The following RASGRP3 variants were observed in gnomAD, a reference collection of about 807,000 sequenced individuals.
The protein encoded by RASGRP3 is RAS guanyl releasing protein 3.
RASGRP3 carries 54 observed loss-of-function variants against 82.7 expected under a neutral mutation model. The ratio of observed to expected loss-of-function variants is 0.65; its 90% CI spans 0.52 to 0.82. RASGRP3 has a LOEUF of 0.82. RASGRP3 is among the 40% of genes least tolerant of loss of function. RASGRP3 has a pLI of 0.00. For synonymous variants in RASGRP3, 309 were observed against 300.5 expected (o/e 1.03, Z -0.29); for missense variants, 861 against 828.9 (o/e 1.04, Z -0.48).
intron 11 of RASGRP3, among the ~76,000 whole-genome samples, chr2:33,537,896 A>G (rs17013237): frequency 0.13 from 19,159 of 152,110 alleles, 1,305 homozygotes; most frequent in African/African-American, 0.17. Flanking sequence ...ATGCAGAAAA[A>G]TCTGTGGAGA....
chr2:33,482,948 A>G (rs1430449945), intron 1 of RASGRP3: 2 of 152,140 alleles, frequency 1.3e-5, no homozygotes, highest in African/African-American at 4.8e-5. Flanking sequence ...TTAATGTCTG[A>G]GCTGACTTGA....
intron 1 of RASGRP3, among the ~76,000 whole-genome samples, chr2:33,496,095 T>A (rs576955993): frequency 1.3e-5 from 2 of 152,230 alleles, no homozygotes; most frequent in Non-Finnish European, 2.9e-5. Flanking sequence ...ACAAAAAATA[T>A]ACATCTAGGG....
rs201148346 is a variant in RASGRP3, at chr2:33,520,606, G to T, written c.290G>T (p.Arg97Leu). The change falls in exon 6 of 18, where the codon CGT becomes CTT. Residue 97 changes from arginine to leucine, a missense_variant. Transcript: ENST00000403687. ...TTTAATTTGGATCTTGGTTTGATTC[G>T]TATGACTGAGGAATTTCGGGAAGTA... ...AEFNLDLGLI[R>L]MTEEFREVAS... 1 of 1,613,932 alleles carries T rather than the reference G, an allele frequency of 6.2e-7. No individual in the cohort carries two copies. Among genetic ancestry groups the T allele is most frequent in the South Asian group, 1.1e-5 (1 of 91,076 alleles).
At chr2:33,446,539 C>T (rs1347210055) in intron 1 of RASGRP3, among the ~76,000 whole-genome samples, 1 of 151,068 alleles carries the variant, frequency 6.6e-6, no homozygotes, top group Non-Finnish European at 1.5e-5. Context: ...TGTGAAGTAA[C>T]ACTTGGCTAA....
chr2:33,488,592 A>G (rs1413180938), intron 1 of RASGRP3, among the ~76,000 whole-genome samples: 6 of 152,228 alleles, frequency 3.9e-5, no homozygotes, highest in African/African-American at 1.4e-4. Flanking sequence ...TTCCTCCAGA[A>G]GAGGATTAAA....
chr2:33,458,991 A>T (rs1033212400), intron 2 of RASGRP3, among the ~76,000 whole-genome samples: 6 of 152,182 alleles, frequency 3.9e-5, no homozygotes, highest in South Asian at 2.1e-4. Context: ...TATATTTTTT[A>T]AAAAATTATG....
chr2:33,491,384 G>A (rs1163249123), intron 1 of RASGRP3, among the ~76,000 whole-genome samples: 1 of 152,040 alleles, frequency 6.6e-6, no homozygotes, highest in East Asian at 1.9e-4. Context: ...ACAAGATACT[G>A]TTTAATAACT....
chr2:33,483,345 G>C (rs1260379522), intron 1 of RASGRP3, among the ~76,000 whole-genome samples: 1 of 152,136 alleles, frequency 6.6e-6, no homozygotes, highest in Non-Finnish European at 1.5e-5. Context: ...CCGTTGATTT[G>C]CTAAAGTATT....
At chr2:33,448,571 C>A (rs934140148) in intron 2 of RASGRP3, among the ~76,000 whole-genome samples, 1 of 151,782 alleles carries the variant, frequency 6.6e-6, no homozygotes, top group African/African-American at 2.4e-5. Context: ...CACAAAAGAA[C>A]AAATATTATA....
At position 33,564,037 on chromosome 2, in the gene RASGRP3, T is replaced by TA. The variant is rs1477714344; in HGVS notation, c.*1301dup. ...CTGCATTTGGGGGCTAAAGTGTATA[T>TA]ATTCCATTTAAAATGGAATTTGTTT... On this transcript the variant is annotated 3_prime_UTR_variant, in exon 18 of 18. Transcript: ENST00000403687. The TA allele has an allele frequency of 5.9e-5, 9 of 152,218 alleles. No individual in the cohort carries two copies. Among genetic ancestry groups the TA allele is most frequent in the African/African-American group, 1.9e-4 (8 of 41,444 alleles). The allele number at this position is 152,218 out of a possible 1,614,324, so 9.4% of individuals were successfully genotyped here.
chr2:33,517,394 G>A (rs962428834), intron 4 of RASGRP3, among the ~76,000 whole-genome samples: 86 of 152,142 alleles, frequency 5.7e-4, no homozygotes, highest in Non-Finnish European at 4.4e-5. Flanking sequence ...CCTTCTTCAA[G>A]CCCATGAGGC....
At chr2:33,486,249 C>G (rs570334850) in intron 1 of RASGRP3, among the ~76,000 whole-genome samples, 2 of 150,958 alleles carry the variant, frequency 1.3e-5, no homozygotes, top group African/African-American at 2.4e-5. Flanking sequence ...ACTGCTACCT[C>G]TGTCTCCTAG....
At chr2:33,525,051 A>T (rs1475044721) in intron 9 of RASGRP3, among the ~76,000 whole-genome samples, 18 of 150,146 alleles carry the variant, frequency 1.2e-4, no homozygotes, top group Admixed American at 1.1e-3. Context: ...ACTGCACTCC[A>T]ACCTGGGCGA....
Position 33,527,349 on chromosome 2 carries a change from AG to A in RASGRP3, c.1021del (p.Val341SerfsTer10). 2 of 1,613,882 alleles carry A rather than the reference AG, an allele frequency of 1.2e-6. No homozygotes were observed. Among genetic ancestry groups the A allele is most frequent in the Non-Finnish European group, 1.7e-6 (2 of 1,179,766 alleles). ...AGCTCTCCGTTACCCTGAGTGAACTAGTCTCCCTGCAGAATGCCTCTCACCA... is the reference window on the plus strand; with the variant it reads ...AGCTCTCCGTTACCCTGAGTGAACTATCTCCCTGCAGAATGCCTCTCACCA... ...HQLSVTLSEL[V>X]SLQNASHHLE... On this transcript the variant is annotated frameshift_variant, in exon 10 of 18. Transcript: ENST00000403687. LOFTEE classifies it high-confidence loss of function.
chr2:33,561,443 G>A (rs1676641063), intron 17 of RASGRP3, among the ~76,000 whole-genome samples: 1 of 152,196 alleles, frequency 6.6e-6, no homozygotes. Context: ...ATTAATGAAG[G>A]ACGTATGCTC....
intron 11 of RASGRP3, among the ~76,000 whole-genome samples, chr2:33,534,953 A>G (rs1192760140): frequency 1.3e-5 from 2 of 152,102 alleles, no homozygotes; most frequent in Non-Finnish European, 2.9e-5. Context: ...CTGTTTTATA[A>G]TTGATCTTCT....
chr2:33,555,557 C>A lies in RASGRP3; in HGVS notation c.1569C>A (p.Tyr523Ter). The A allele has an allele frequency of 6.3e-7, 1 of 1,595,866 alleles. No homozygotes were observed. The highest frequency in any genetic ancestry group is 8.6e-7 in the Non-Finnish European group (1 of 1,166,604). ...TCTGGGGCATAATCAAGCAAGGATA[C>A]AAATGCAAAGGTAAATCAATGTTAT... ...GFLWGIIKQG[Y>*]KCKDCGANCH... The change falls in exon 15 of 18, where the codon TAC becomes TAA. Residue 523 changes from tyrosine to a stop codon, truncating the protein, a stop_gained. Transcript: ENST00000403687. LOFTEE classifies it high-confidence loss of function.
At chr2:33,446,826 T>TA (rs1325152253) in intron 1 of RASGRP3, among the ~76,000 whole-genome samples, 1 of 151,642 alleles carries the variant, frequency 6.6e-6, no homozygotes, top group Admixed American at 6.6e-5. Context: ...AGACTACCAT[T>TA]AAAAAAATAT....
At chr2:33,504,952 G>C (rs1316385815) in intron 1 of RASGRP3, among the ~76,000 whole-genome samples, 3 of 152,202 alleles carry the variant, frequency 2.0e-5, no homozygotes, top group Non-Finnish European at 2.9e-5. Flanking sequence ...CATCTCACAA[G>C]ACCTCATTGC....
Sources: gnomAD v4.1 joint callset for allele counts (sites outside exome capture counted in the v4.1 genomes callset) on GRCh38, gnomAD v4.1.1 for gene constraint, MANE v1.5 for transcripts, NCBI Gene and HGNC (gene_info 2026-07-23, HGNC 2026-07-21) for gene names.